Variants in SNX24 observed in about 807,000 individuals in gnomAD.
The protein encoded by SNX24 is sorting nexin 24, also known as sorting nexin-24.
A neutral mutation model predicts 28.7 loss-of-function variants in SNX24; 22 were observed. That is an observed-to-expected ratio of 0.77 (90% CI 0.55 to 1.10). SNX24 has a LOEUF of 1.10. Ranked by LOEUF, SNX24 falls within the 50% of genes least tolerant of loss-of-function variation. SNX24 has a pLI of 0.00. For missense variants in SNX24, 221 were observed against 201.1 expected, an observed-to-expected ratio of 1.10 and a Z score of -0.60; for synonymous variants, 69 against 71.5, an observed-to-expected ratio of 0.96 and a Z score of 0.18.
downstream of SNX24, among the ~76,000 whole-genome samples, chr5:123,011,435 A>G (rs529748336): frequency 3.0e-4 from 45 of 152,322 alleles, no homozygotes; most frequent in Non-Finnish European, 1.2e-4. Flanking sequence ...AACAACCCCA[A>G]TATCACCATG....
intron 1 of SNX24, among the ~76,000 whole-genome samples, chr5:122,904,930 C>T (rs1757586041): frequency 6.6e-6 from 1 of 152,198 alleles, no homozygotes; most frequent in South Asian, 2.1e-4. Flanking sequence ...TATTTCCCCA[C>T]TCATGAGCCA....
intron 1 of SNX24, among the ~76,000 whole-genome samples, chr5:122,915,500 C>T (rs919976866): frequency 6.6e-6 from 1 of 152,114 alleles, no homozygotes; most frequent in Non-Finnish European, 1.5e-5. Flanking sequence ...GGTGGTGTCA[C>T]CTGTAATCCC....
At chr5:122,892,014 A>G (rs1756995100) in intron 1 of SNX24, among the ~76,000 whole-genome samples, 1 of 152,230 alleles carries the variant, frequency 6.6e-6, no homozygotes, top group Non-Finnish European at 1.5e-5. Flanking sequence ...GGGGAAGTCC[A>G]TGCAGCAGAC....
chr5:122,999,904 T>G lies in SNX24; in HGVS notation c.250-8T>G. 6.3e-7 allele frequency: 1 copy of G among 1,576,142 alleles called. No homozygotes were observed. Among genetic ancestry groups the G allele is most frequent in the East Asian group, 2.2e-5 (1 of 44,690 alleles). ...TTCAGTTTCGAATTCTGTTTTCTGCTTTCACAGGCTGTCATTTTAGAAAAT... is the reference window on the plus strand; with the variant it reads ...TTCAGTTTCGAATTCTGTTTTCTGCGTTCACAGGCTGTCATTTTAGAAAAT... On this transcript the variant is annotated splice_region_variant and splice_polypyrimidine_tract_variant and intron_variant, in intron 3 of 6. Transcript: ENST00000261369.
intron 3 of SNX24, among the ~76,000 whole-genome samples, chr5:122,966,840 A>G (rs1011313203): frequency 2.0e-5 from 3 of 152,234 alleles, no homozygotes; most frequent in South Asian, 4.1e-4. Context: ...TAACAGGCAT[A>G]CAATAAAGAG....
chr5:122,932,435 T>A (rs1758992876), intron 1 of SNX24, among the ~76,000 whole-genome samples: 1 of 152,146 alleles, frequency 6.6e-6, no homozygotes, highest in Non-Finnish European at 1.5e-5. Context: ...CCCAGGAGTT[T>A]GAGTCCAGCT....
intron 5 of SNX24, among the ~76,000 whole-genome samples, chr5:123,025,322 C>T (rs45515100): frequency 0.037 from 5,618 of 152,238 alleles, 165 homozygotes; most frequent in Admixed American, 0.054. Context: ...CCATCCCCAG[C>T]CCCTGGCAAC....
intron 1 of SNX24, among the ~76,000 whole-genome samples, chr5:122,856,567 G>A (rs1192153040): frequency 1.3e-5 from 2 of 148,450 alleles, no homozygotes; most frequent in Non-Finnish European, 3.0e-5. Context: ...CCAGGCTGGA[G>A]TGCAGTGGTG....
chr5:122,853,600 C>A, intron 1 of SNX24: 1 of 298,040 alleles, frequency 3.4e-6, no homozygotes, highest in African/African-American at 2.2e-5. Flanking sequence ...TTTCATTGAG[C>A]TAGAAATATG....
At chr5:122,912,791 G>C (rs55805119) in intron 1 of SNX24, among the ~76,000 whole-genome samples, 18,621 of 149,056 alleles carry the variant, frequency 0.12, 1,457 homozygotes, top group East Asian at 0.36. Context: ...AGGGGGATTT[G>C]GCAGGGTCTA....
At chr5:123,025,674 C>A (rs1388530129) in intron 5 of SNX24, 9 of 1,125,748 alleles carry the variant, frequency 8.0e-6, no homozygotes, top group Non-Finnish European at 1.1e-5. Flanking sequence ...AGAGGCCAGT[C>A]AGCTATATAA....
At chr5:122,942,371 C>T (rs923330458) in intron 2 of SNX24, among the ~76,000 whole-genome samples, 1 of 152,192 alleles carries the variant, frequency 6.6e-6, no homozygotes, top group Non-Finnish European at 1.5e-5. Flanking sequence ...TAGCACAGCA[C>T]CCTGTACATT....
intron 1 of SNX24, among the ~76,000 whole-genome samples, chr5:122,908,794 AG>A (rs1435373715): frequency 6.6e-6 from 1 of 152,206 alleles, no homozygotes; most frequent in African/African-American, 2.4e-5. Context: ...ATGTCCTGAT[AG>A]GGGAAGATCG....
chr5:122,918,377 A>G (rs927008193), intron 1 of SNX24, among the ~76,000 whole-genome samples: 2 of 152,230 alleles, frequency 1.3e-5, no homozygotes, highest in Non-Finnish European at 2.9e-5. Flanking sequence ...TTTGAAGGCC[A>G]AATTATATAA....
At chr5:122,884,255 T>TC (rs1554069242) in intron 1 of SNX24, among the ~76,000 whole-genome samples, 25 of 141,880 alleles carry the variant, frequency 1.8e-4, no homozygotes, top group Admixed American at 4.9e-4. Flanking sequence ...CTTTTTCTTT[T>TC]TTTTTTTTTT....
chr5:122,861,344 C>A (rs1173065925), intron 1 of SNX24, among the ~76,000 whole-genome samples: 3 of 151,976 alleles, frequency 2.0e-5, no homozygotes, highest in Admixed American at 2.0e-4. Flanking sequence ...TGTCCACCAC[C>A]CCTCCCAAAA....
At chr5:122,960,727 C>T (rs939804423) in intron 3 of SNX24, among the ~76,000 whole-genome samples, 3 of 152,142 alleles carry the variant, frequency 2.0e-5, no homozygotes, top group South Asian at 4.1e-4. Context: ...AGGTCTTCAG[C>T]GCTTTCCAGG....
intron 5 of SNX24, chr5:123,023,972 GTTGC>G (rs759526014): frequency 6.2e-7 from 1 of 1,614,026 alleles, no homozygotes; most frequent in South Asian, 1.1e-5. Context: ...ATGCCCATCA[GTTGC>G]TTGGAGCTCT....
In SNX24 at chr5:123,008,810, A is replaced by T. The variant is rs115576484; in HGVS notation, c.*1061A>T. 13 of 917,408 alleles carry T rather than the reference A, an allele frequency of 1.4e-5. No homozygotes were observed. The highest frequency in any genetic ancestry group is 1.7e-5 in the Non-Finnish European group (13 of 767,652). The allele number at this position is 917,408 out of a possible 1,614,324, so 56.8% of individuals were successfully genotyped here. ...TTAATGTAAGTTAAATGTGTTTATG[A>T]TATAACTCCACTGTACATCATCCTT... On this transcript the variant is annotated 3_prime_UTR_variant, in exon 7 of 7. Coordinates refer to ENST00000261369, the MANE Select transcript of SNX24 (RefSeq NM_014035.4).
Sources: allele counts gnomAD v4.1 joint callset (sites outside exome capture counted in the v4.1 genomes callset), GRCh38; gene constraint gnomAD v4.1.1; transcripts MANE v1.5; gene names NCBI Gene and HGNC (gene_info 2026-07-23, HGNC 2026-07-21).